The following FLRT1 variants were observed in gnomAD, a reference collection of about 807,000 sequenced individuals.
The protein encoded by FLRT1 is leucine-rich repeat transmembrane protein FLRT1.
Under a neutral mutation model 30.9 loss-of-function variants are expected in FLRT1, and 14 were observed. That is an observed-to-expected ratio of 0.45 (90% CI 0.30 to 0.71). The LOEUF is 0.71. Among genes scored for constraint, FLRT1 ranks in the 30% least tolerant of loss-of-function variants. The probability of loss-of-function intolerance (pLI) is 0.08; values close to 1 mark genes in which losing one functional copy is unlikely to be tolerated. For synonymous variants in FLRT1, 368 were observed against 430.4 expected (o/e 0.85, Z 1.80); for missense variants, 737 against 949.2 (o/e 0.78, Z 2.94).
In FLRT1 at chr11:64,104,179, G is replaced by A. The variant is rs907569537; in HGVS notation, c.-52G>A. On this transcript the variant is annotated splice_region_variant and 5_prime_UTR_variant, in exon 2 of 3. Transcript: ENST00000682287. Reference sequence around the variant, plus strand: ...AGGGTCTTGGGCGGCAGCGACGAAGGAGGTAAGGCCCAAGGACAAGGGAAG... The same window carrying A: ...AGGGTCTTGGGCGGCAGCGACGAAGAAGGTAAGGCCCAAGGACAAGGGAAG... 1.3e-5 allele frequency: 2 copies of A among 152,400 alleles called. No individual in the cohort carries two copies. Among genetic ancestry groups the A allele is most frequent in the African/African-American group, 4.8e-5 (2 of 41,454 alleles). 9.4% of individuals were successfully genotyped at this position (152,400 alleles called of 1,614,324 possible).
chr11:64,116,003 T>A (rs1433142082), intron 2 of FLRT1, among the ~76,000 whole-genome samples: 1 of 152,196 alleles, frequency 6.6e-6, no homozygotes, highest in Non-Finnish European at 1.5e-5. Flanking sequence ...AGATTTAACA[T>A]TAGCCAGATG....
intron 1 of FLRT1, chr11:64,081,855 G>A (rs1337115199): frequency 2.0e-5 from 3 of 152,154 alleles, no homozygotes; most frequent in African/African-American, 7.2e-5. Flanking sequence ...GAAGACTGAG[G>A]CCGTGGTTCC....
In FLRT1 at chr11:64,064,427, C is replaced by A. The variant is rs944793658; in HGVS notation, c.-1038+28268C>A. 2.0e-5 allele frequency among the ~76,000 whole-genome samples: 3 copies of A among 152,166 alleles called. No individual in the cohort carries two copies. Among genetic ancestry groups the A allele is most frequent in the Non-Finnish European group, 4.4e-5 (3 of 68,028 alleles). On this transcript the variant is annotated intron_variant, in intron 1 of 2. Coordinates refer to ENST00000682287, the MANE Select transcript of FLRT1 (RefSeq NM_013280.5). The surrounding 1 kb of genome is among the most constrained non-coding windows in gnomAD (Gnocchi z 4.5). ...GGCCAGTGCCGGGACTCCAGCTCCT[C>A]TGGGCACTGGGCAGGCAATCTCTGT...
At chr11:64,085,296 T>C (rs1317407762) in intron 1 of FLRT1, among the ~76,000 whole-genome samples, 2 of 152,218 alleles carry the variant, frequency 1.3e-5, no homozygotes, top group Non-Finnish European at 2.9e-5. Flanking sequence ...GATTCTGTCC[T>C]GTTCAATTTT....
intron 2 of FLRT1, 119 bp from the exon 3 acceptor site, chr11:64,116,100 A>G (rs1944973912): frequency 9.6e-7 from 1 of 1,040,336 alleles, no homozygotes; most frequent in Admixed American, 2.9e-5. Context: ...CTCACCCCGC[A>G]GGACCGGACT....
At chr11:64,068,348 G>GA (rs1291618638) in intron 1 of FLRT1, among the ~76,000 whole-genome samples, 1 of 152,142 alleles carries the variant, frequency 6.6e-6, no homozygotes, top group Non-Finnish European at 1.5e-5. Flanking sequence ...ATGCCTACCA[G>GA]GCCCTGGCAG....
At chr11:64,078,766 C>A (rs914541278) in intron 1 of FLRT1, among the ~76,000 whole-genome samples, 9 of 151,898 alleles carry the variant, frequency 5.9e-5, no homozygotes, top group Non-Finnish European at 8.8e-5. Context: ...ACAAGGAAAC[C>A]CAAAAGACGG....
intron 1 of FLRT1, among the ~76,000 whole-genome samples, chr11:64,041,659 G>GGT (rs1943489839): frequency 6.6e-6 from 1 of 152,150 alleles, no homozygotes; most frequent in African/African-American, 2.4e-5. Context: ...GGCAGTGGAG[G>GGT]GTCCAGCCTG....
At chr11:64,073,567 T>C (rs929078635) in intron 1 of FLRT1, among the ~76,000 whole-genome samples, 2 of 152,228 alleles carry the variant, frequency 1.3e-5, no homozygotes, top group Non-Finnish European at 2.9e-5. Context: ...GCCAGTTGCC[T>C]GCCGTGCTGA....
In FLRT1 at chr11:64,117,641, G is replaced by A. The variant is rs774255767; in HGVS notation, c.1374G>A (p.Thr458=). The change falls in exon 3 of 3, where the codon ACG becomes ACA. Residue 458 remains threonine (T), a synonymous_variant. Transcript: ENST00000682287. ...CCATCCGCATCACGTGGAAGGCCAC[G>A]CTCCCCGCCTCCTCTTTCCGGCTCA... is the stretch of plus-strand genomic sequence containing the variant. The part of the protein sequence containing the change: ...ADSIRITWKA[T]LPASSFRLSW... The A allele has an allele frequency of 7.4e-6, 12 of 1,613,578 alleles. No homozygotes were observed. Among genetic ancestry groups the A allele is most frequent in the Non-Finnish European group, 1.0e-5 (12 of 1,180,028 alleles).
At chr11:64,071,889 G>A (rs1030042101) in intron 1 of FLRT1, among the ~76,000 whole-genome samples, 23 of 152,208 alleles carry the variant, frequency 1.5e-4, no homozygotes, top group African/African-American at 5.3e-4. Context: ...CCCTGGGAGG[G>A]CGCCTCAAGA....
rs1037168605 is a variant in FLRT1 at position 64,116,094 on chromosome 11, C to G, written c.-49-125C>G. ...AGGCCACTCCTCCAGCTTGACCTCA[C>G]CCCGCAGGACCGGACTTCGGTCACC... On this transcript the variant is annotated intron_variant, in intron 2 of 2. Coordinates refer to ENST00000682287, the MANE Select transcript of FLRT1 (RefSeq NM_013280.5). 23 of 978,372 alleles carry G rather than the reference C, an allele frequency of 2.4e-5. No homozygotes were observed. In the African/African-American group the frequency reaches 3.4e-4, roughly 15 times the overall value. The allele number at this position is 978,372 out of a possible 1,614,324, so 60.6% of individuals were successfully genotyped here.
intron 1 of FLRT1, among the ~76,000 whole-genome samples, chr11:64,085,383 C>CGGCG (rs1352224513): frequency 2.0e-5 from 3 of 152,310 alleles, no homozygotes; most frequent in Admixed American, 1.3e-4. Context: ...TCTCTGGGGG[C>CGGCG]GGCGGGCTGC....
chr11:64,104,806 G>A (rs943396293), intron 2 of FLRT1, among the ~76,000 whole-genome samples: 2 of 152,172 alleles, frequency 1.3e-5, no homozygotes, highest in Admixed American at 1.3e-4. Context: ...GGCAGAGAGT[G>A]CCCCAAGGGT....
In FLRT1 at chr11:64,036,536, G is replaced by A. The variant is rs1943384066; in HGVS notation, c.-1038+377G>A. ...GTGGGGGGCGTCAGGCCGGTCATGT[G>A]GGTCCCAGCTCCCGCACTCGGGAAC... On this transcript the variant is annotated intron_variant, in intron 1 of 2. Coordinates refer to ENST00000682287, the MANE Select transcript of FLRT1 (RefSeq NM_013280.5). The surrounding 1 kb of genome is among the most constrained non-coding windows in gnomAD (Gnocchi z 5.6). Among the ~76,000 whole-genome samples the A allele has an allele frequency of 6.6e-6, 1 of 152,160 alleles. No individual in the cohort carries two copies. The highest frequency in any genetic ancestry group is 1.5e-5 in the Non-Finnish European group (1 of 67,998).
intron 1 of FLRT1, among the ~76,000 whole-genome samples, chr11:64,075,962 C>T (rs969806333): frequency 6.6e-6 from 1 of 152,258 alleles, no homozygotes; most frequent in Non-Finnish European, 1.5e-5. Context: ...GCGTGGGCCA[C>T]TGTGCCCGGC....
intron 2 of FLRT1, among the ~76,000 whole-genome samples, 185 bp downstream of exon 2, chr11:64,104,366 T>C (rs1944721925): frequency 6.6e-6 from 1 of 152,102 alleles, no homozygotes; most frequent in South Asian, 2.1e-4. Context: ...TTCATGCAGC[T>C]GGCAGCTTCT....
chr11:64,046,076 C>CT (rs1014550653), intron 1 of FLRT1, among the ~76,000 whole-genome samples: 1 of 146,622 alleles, frequency 6.8e-6, no homozygotes, highest in Non-Finnish European at 1.5e-5. Flanking sequence ...CATGAGGAAA[C>CT]TGAGTTACAG....
chr11:64,104,702 AG>A (rs1168393361), intron 2 of FLRT1, among the ~76,000 whole-genome samples: 2 of 152,164 alleles, frequency 1.3e-5, no homozygotes, highest in Admixed American at 1.3e-4. Context: ...CTACTGCCCA[AG>A]GTCCTGCTCC....
Sources: gnomAD v4.1 joint callset for allele counts (sites outside exome capture counted in the v4.1 genomes callset) on GRCh38, gnomAD v4.1.1 for gene constraint, Gnocchi (gnomAD v3.1) non-coding constraint, MANE v1.5 for transcripts, NCBI Gene and HGNC (gene_info 2026-07-23, HGNC 2026-07-21) for gene names.